OPCML: variants seen among roughly 807,000 people sequenced by gnomAD.
OPCML encodes opioid-binding protein/cell adhesion molecule.
A neutral mutation model predicts 37.8 loss-of-function variants in OPCML; 13 were observed. The ratio of observed to expected loss-of-function variants is 0.34; its 90% CI spans 0.22 to 0.55. OPCML has a LOEUF of 0.55. Ranked by LOEUF, OPCML falls within the 20% of genes least tolerant of loss-of-function variation. The pLI is 0.91. For synonymous variants in OPCML, 176 were observed against 168.8 expected, an observed-to-expected ratio of 1.04 and a Z score of -0.33; for missense variants, 341 against 435.6, an observed-to-expected ratio of 0.78 and a Z score of 1.93.
intron 2 of OPCML, among the ~76,000 whole-genome samples, chr11:132,756,070 T>A (rs765589946): frequency 6.6e-6 from 1 of 152,246 alleles, no homozygotes; most frequent in Non-Finnish European, 1.5e-5. Context: ...TTGCAGTCAG[T>A]TGCTGTGCTC....
chr11:132,770,641 T>TC (rs1480309417), intron 2 of OPCML, among the ~76,000 whole-genome samples: 1 of 151,730 alleles, frequency 6.6e-6, no homozygotes, highest in African/African-American at 2.4e-5. Flanking sequence ...AAAAAATACC[T>TC]CCCCCTGGAG....
At chr11:133,221,651 A>C (rs955566589) in intron 1 of OPCML, among the ~76,000 whole-genome samples, 6 of 152,132 alleles carry the variant, frequency 3.9e-5, no homozygotes, top group African/African-American at 1.4e-4. Context: ...GTGCACGGGG[A>C]GGAGGTTGCT....
At chr11:133,074,395 G>C (rs1263665191) in intron 1 of OPCML, among the ~76,000 whole-genome samples, 3 of 152,194 alleles carry the variant, frequency 2.0e-5, no homozygotes, top group African/African-American at 7.2e-5. Flanking sequence ...TACTTTGGCT[G>C]CCAGGAGCCT....
intron 1 of OPCML, among the ~76,000 whole-genome samples, chr11:133,489,765 C>T (rs763218053): frequency 4.0e-5 from 6 of 151,608 alleles, no homozygotes; most frequent in Non-Finnish European, 7.4e-5. Context: ...TTTACAATAG[C>T]AAAGTTATGG....
At chr11:132,709,923 T>G (rs115948383) in intron 2 of OPCML, among the ~76,000 whole-genome samples, 2,720 of 152,350 alleles carry the variant, frequency 0.018, 42 homozygotes, top group South Asian at 0.047. Flanking sequence ...CACTGTCATT[T>G]TAAACAAAAG....
intron 1 of OPCML, among the ~76,000 whole-genome samples, chr11:133,017,483 C>T (rs767633347): frequency 3.3e-5 from 5 of 152,118 alleles, no homozygotes; most frequent in Middle Eastern, 6.8e-3. Flanking sequence ...CCACAACCTC[C>T]GCCTCCTGGG....
In OPCML at chr11:132,436,579, C is replaced by T; in HGVS notation, c.764+80G>A. 5 of 1,572,194 alleles carry T rather than the reference C, an allele frequency of 3.2e-6. No individual in the cohort carries two copies. In the South Asian group the frequency reaches 5.9e-5, roughly 19 times the overall value. ...TGTTTTGCCTTATCTTTCCCCTTTT[C>T]TTCATCCTCATCCTTCTCCCATGTG... is the stretch of plus-strand genomic sequence containing the variant. On this transcript the variant is annotated intron_variant, in intron 6 of 7. Transcript: ENST00000524381.
intron 2 of OPCML, among the ~76,000 whole-genome samples, chr11:132,780,933 A>T (rs560996492): frequency 6.6e-6 from 1 of 152,312 alleles, no homozygotes; most frequent in Admixed American, 6.5e-5. Flanking sequence ...AAGTTATTTT[A>T]AAAATATTGT....
intron 4 of OPCML, among the ~76,000 whole-genome samples, chr11:132,466,073 A>G (rs1459869158): frequency 1.3e-5 from 2 of 151,946 alleles, no homozygotes; most frequent in Non-Finnish European, 2.9e-5. Flanking sequence ...AAGTAGGCCA[A>G]CTCCCCTTCC....
intron 2 of OPCML, among the ~76,000 whole-genome samples, chr11:132,748,940 G>A (rs1945740278): frequency 6.6e-6 from 1 of 152,156 alleles, no homozygotes; most frequent in Admixed American, 6.5e-5. Context: ...ATGTTGATGT[G>A]TTAAATATTG....
intron 2 of OPCML, among the ~76,000 whole-genome samples, chr11:132,811,819 A>G (rs77604126): frequency 0.016 from 2,438 of 152,308 alleles, 27 homozygotes; most frequent in Middle Eastern, 0.027. Context: ...TTAAAAGCAT[A>G]AAAACCATCC....
intron 2 of OPCML, among the ~76,000 whole-genome samples, chr11:132,812,257 G>T (rs1406527892): frequency 6.6e-6 from 1 of 152,164 alleles, no homozygotes; most frequent in Non-Finnish European, 1.5e-5. Flanking sequence ...ACTGCGCATT[G>T]CAAAGTATAG....
chr11:133,237,298 C>A (rs1295483498), intron 1 of OPCML, among the ~76,000 whole-genome samples: 1 of 152,184 alleles, frequency 6.6e-6, no homozygotes, highest in Non-Finnish European at 1.5e-5. Context: ...CCACATGCCC[C>A]GGCTGCTACA....
intron 1 of OPCML, among the ~76,000 whole-genome samples, chr11:133,215,526 C>T (rs1939548203): frequency 6.6e-6 from 1 of 152,176 alleles, no homozygotes; most frequent in South Asian, 2.1e-4. Context: ...GTCCTATTCC[C>T]AGGGTCCTCT....
intron 1 of OPCML, among the ~76,000 whole-genome samples, chr11:133,374,469 G>C (rs1237000540): frequency 6.6e-6 from 1 of 152,170 alleles, no homozygotes; most frequent in Non-Finnish European, 1.5e-5. Context: ...AGTCTATCGT[G>C]TGTCCATTAT....
At chr11:132,430,636 G>C (rs2095993578) in intron 7 of OPCML, among the ~76,000 whole-genome samples, 1 of 152,142 alleles carries the variant, frequency 6.6e-6, no homozygotes, top group African/African-American at 2.4e-5. Context: ...CACTTGCGAT[G>C]ACAGGATTCC....
intron 3 of OPCML, among the ~76,000 whole-genome samples, chr11:132,597,625 C>T (rs1159296794): frequency 6.6e-6 from 1 of 152,098 alleles, no homozygotes; most frequent in Non-Finnish European, 1.5e-5. Flanking sequence ...CTGAAAAGCA[C>T]GAGGTTTGCA....
intron 1 of OPCML, among the ~76,000 whole-genome samples, chr11:133,043,216 G>C (rs1203585696): frequency 6.6e-6 from 1 of 152,154 alleles, no homozygotes; most frequent in Non-Finnish European, 1.5e-5. Flanking sequence ...GCCCAGCTGG[G>C]ATTGTGGGTC....
intron 2 of OPCML, among the ~76,000 whole-genome samples, chr11:132,910,336 C>A (rs1044904204): frequency 6.6e-6 from 1 of 152,226 alleles, no homozygotes; most frequent in Non-Finnish European, 1.5e-5. Flanking sequence ...CCTGAAGCAA[C>A]GGCAGAGACC....
Sources: allele counts gnomAD v4.1 joint callset (sites outside exome capture counted in the v4.1 genomes callset), GRCh38; gene constraint gnomAD v4.1.1; transcripts MANE v1.5; gene names NCBI Gene and HGNC (gene_info 2026-07-23, HGNC 2026-07-21).